Variants in SGPP2 observed in about 807,000 individuals in gnomAD.
SGPP2 encodes sphingosine 1-phosphate phosphohydrolase 2.
SGPP2 carries 30 observed loss-of-function variants against 33.9 expected under a neutral mutation model. The observed-to-expected ratio is 0.89, with a 90% CI of 0.66 to 1.20. SGPP2 has a LOEUF of 1.20. Ranked by LOEUF, SGPP2 falls within the 50% of genes most tolerant of loss-of-function variation. The pLI, the probability that SGPP2 is intolerant of heterozygous loss-of-function variation, is 0.00. For missense variants in SGPP2, 458 were observed against 532.1 expected (o/e 0.86, Z 1.37); for synonymous variants, 233 against 225.0 (o/e 1.04, Z -0.32).
intron 4 of SGPP2, among the ~76,000 whole-genome samples, chr2:222,535,801 G>A (rs10195337): frequency 0.91 from 138,656 of 152,256 alleles, 63,404 homozygotes; most frequent in East Asian, 1. Context: ...CCTGAGGCTA[G>A]TGGCCAGGCA....
chr2:222,459,652 TGAGA>T (rs920513167), intron 1 of SGPP2, among the ~76,000 whole-genome samples: 3 of 151,266 alleles, frequency 2.0e-5, no homozygotes, highest in South Asian at 2.1e-4. Context: ...TCAGAGAGAT[TGAGA>T]GAGAGAGAGA....
At chr2:222,483,099 T>C (rs1698053899) in intron 2 of SGPP2, among the ~76,000 whole-genome samples, 1 of 152,166 alleles carries the variant, frequency 6.6e-6, no homozygotes, top group South Asian at 2.1e-4. Context: ...GAATAGAAGG[T>C]ATTTCATCGC....
intron 2 of SGPP2, among the ~76,000 whole-genome samples, chr2:222,488,141 C>A (rs1214063107): frequency 6.6e-6 from 1 of 152,214 alleles, no homozygotes; most frequent in Non-Finnish European, 1.5e-5. Flanking sequence ...CCCCACATAA[C>A]TGACTGGGTT....
rs1397819449 is a variant in SGPP2, at chr2:222,558,976, A to C, written c.*78A>C. ...AAGTTATTGGTAGGCAAATCTTGAC[A>C]ACTTATTTTTCTTTAACAACAACAA... On this transcript the variant is annotated 3_prime_UTR_variant, in exon 5 of 5. Transcript: ENST00000321276. The C allele has an allele frequency of 1.4e-6, 2 of 1,435,286 alleles. No individual in the cohort carries two copies. Among genetic ancestry groups the C allele is most frequent in the Non-Finnish European group, 1.9e-6 (2 of 1,054,762 alleles). The allele number at this position is 1,435,286 out of a possible 1,614,324, so 88.9% of individuals were successfully genotyped here.
At chr2:222,497,060 G>T (rs573728070) in intron 2 of SGPP2, among the ~76,000 whole-genome samples, 5 of 152,212 alleles carry the variant, frequency 3.3e-5, no homozygotes, top group African/African-American at 9.6e-5. Flanking sequence ...AAAATGGAAT[G>T]GTTTCCATCT....
chr2:222,553,642 G>A (rs1412977678), intron 4 of SGPP2, among the ~76,000 whole-genome samples: 2 of 152,152 alleles, frequency 1.3e-5, no homozygotes, highest in Non-Finnish European at 2.9e-5. Flanking sequence ...TAACCATCAG[G>A]GCAGTGTGGC....
chr2:222,438,907 T>C (rs1213175419), intron 1 of SGPP2, among the ~76,000 whole-genome samples: 1 of 152,062 alleles, frequency 6.6e-6, no homozygotes, highest in Non-Finnish European at 1.5e-5. Flanking sequence ...ATAATAGCCC[T>C]CACCCTACCA....
chr2:222,454,670 G>A (rs11889318), intron 1 of SGPP2, among the ~76,000 whole-genome samples: 2 of 151,548 alleles, frequency 1.3e-5, no homozygotes, highest in East Asian at 3.9e-4. Flanking sequence ...TGAAAACTCA[G>A]GCAAGTGTGA....
chr2:222,553,559 T>A (rs1034062103), intron 4 of SGPP2, among the ~76,000 whole-genome samples: 1 of 152,204 alleles, frequency 6.6e-6, no homozygotes, highest in African/African-American at 2.4e-5. Flanking sequence ...GGCAGTACCC[T>A]GAATCTGCAT....
intron 4 of SGPP2, among the ~76,000 whole-genome samples, chr2:222,552,522 A>G (rs1689310939): frequency 6.6e-6 from 1 of 152,168 alleles, no homozygotes; most frequent in Non-Finnish European, 1.5e-5. Flanking sequence ...TGCAGTGTCT[A>G]CTGCTCAGGT....
intron 4 of SGPP2, among the ~76,000 whole-genome samples, chr2:222,549,602 AT>A (rs569724596): frequency 0.3 from 45,094 of 151,798 alleles, 7,566 homozygotes; most frequent in Non-Finnish European, 0.38. Flanking sequence ...GTTTCCTGTA[AT>A]GAGAATATAA....
At chr2:222,537,768 G>A (rs1698935626) in intron 4 of SGPP2, among the ~76,000 whole-genome samples, 1 of 152,136 alleles carries the variant, frequency 6.6e-6, no homozygotes, top group African/African-American at 2.4e-5. Context: ...ATTTAAAATA[G>A]TACAACATTG....
At chr2:222,539,835 G>T (rs1388702348) in intron 4 of SGPP2, among the ~76,000 whole-genome samples, 1 of 152,164 alleles carries the variant, frequency 6.6e-6, no homozygotes, top group Non-Finnish European at 1.5e-5. Flanking sequence ...CTAACAGGGT[G>T]CCAGTTGATC....
intron 4 of SGPP2, among the ~76,000 whole-genome samples, chr2:222,525,783 T>C (rs1053822068): frequency 6.6e-6 from 1 of 152,204 alleles, no homozygotes; most frequent in African/African-American, 2.4e-5. Flanking sequence ...TTTATCTCAA[T>C]TCTGAAGCTC....
rs144599700 is a variant in SGPP2, at chr2:222,486,909, T to C, written c.378+12183T>C. ...TCATTTTGTGGGTAGTAAACCACAT[T>C]AATTAAAAATTTTAAATTTTTAAAA... is the stretch of plus-strand genomic sequence containing the variant. On this transcript the variant is annotated intron_variant, in intron 2 of 4. Transcript: ENST00000321276. 1.1e-3 allele frequency among the ~76,000 whole-genome samples: 172 copies of C among 152,040 alleles called. 1 individual carries two copies. Among genetic ancestry groups the C allele is most frequent in the African/African-American group, 3.7e-3 (155 of 41,336 alleles).
chr2:222,439,399 G>A (rs1052885592), intron 1 of SGPP2, among the ~76,000 whole-genome samples: 2 of 152,090 alleles, frequency 1.3e-5, no homozygotes, highest in Non-Finnish European at 2.9e-5. Context: ...AAATGTGGCG[G>A]CATGCACCTG....
rs376816047 is a variant in SGPP2 at position 222,459,231 on chromosome 2, A to C, written c.220-15337A>C. Among the ~76,000 whole-genome samples the C allele has an allele frequency of 1.7e-3, 244 of 139,716 alleles. 2 individuals are homozygous for C. The Middle Eastern group carries it at 0.023, about 13-fold the overall frequency. The allele number at this position is 139,716 out of a possible 152,430, so 91.7% of individuals were successfully genotyped here. The stretch of plus-strand genomic sequence containing the variant: ...GCACGATCTTGGCTCACTGCAGCCT[A>C]CGCATCCCAGGCTTAAGTGATCCTC... On this transcript the variant is annotated intron_variant, in intron 1 of 4. Coordinates refer to ENST00000321276, the MANE Select transcript of SGPP2 (RefSeq NM_152386.4).
Position 222,558,814 on chromosome 2 carries a change from T to C in SGPP2, c.1116T>C (p.Pro372=). 6.2e-7 allele frequency: 1 copy of C among 1,614,172 alleles called. No homozygotes were observed. The highest frequency in any genetic ancestry group is 8.5e-7 in the Non-Finnish European group (1 of 1,180,032). The change falls in exon 5 of 5, where the codon CCT becomes CCC. Residue 372 remains proline (P), a synonymous_variant. Transcript: ENST00000321276. ...GGCGGAGACTGGAGATTGAAGTGCC[T>C]TACAAGTTTGTTACCTACACATCTG... is the stretch of plus-strand genomic sequence containing the variant. The part of the protein sequence containing the change: ...EARRRLEIEV[P]YKFVTYTSVG...
intron 2 of SGPP2, among the ~76,000 whole-genome samples, chr2:222,490,673 G>A: frequency 6.9e-6 from 1 of 145,784 alleles, no homozygotes; most frequent in Non-Finnish European, 1.5e-5. Flanking sequence ...TCTAACTCCT[G>A]GGCTCAAGAG....
Sources: gnomAD v4.1 joint callset for allele counts (sites outside exome capture counted in the v4.1 genomes callset) on GRCh38, gnomAD v4.1.1 for gene constraint, MANE v1.5 for transcripts, NCBI Gene and HGNC (gene_info 2026-07-23, HGNC 2026-07-21) for gene names.